The following DACT3 variants were observed in gnomAD, a reference collection of about 807,000 sequenced individuals.
The protein encoded by DACT3 is dishevelled binding antagonist of beta catenin 3.
DACT3 carries 5 observed loss-of-function variants against 19.6 expected under a neutral mutation model. The observed-to-expected ratio is 0.26, with a 90% CI of 0.13 to 0.54. The LOEUF (loss-of-function observed/expected upper bound fraction) is 0.54, where lower values mean the gene tolerates loss of function less well. DACT3 is among the 20% of genes least tolerant of loss of function. DACT3 has a pLI of 0.95. For missense variants in DACT3, 908 were observed against 927.4 expected (o/e 0.98, Z 0.27); for synonymous variants, 454 against 428.1 (o/e 1.06, Z -0.75).
chr19:46,649,783 A>G lies in DACT3; in HGVS notation c.589T>C (p.Ser197Pro). ...FSAPYPTAGG[S>P]AGPEACSSAE... ...GAGGAGCAGGCCTCCGGGCCGGCGGACCCCCCTGCCGTCGGGTAGGGCGCT... is the reference window on the plus strand; with the variant it reads ...GAGGAGCAGGCCTCCGGGCCGGCGGGCCCCCCTGCCGTCGGGTAGGGCGCT... The change falls in exon 4 of 4, where the codon TCC becomes CCC. Residue 197 changes from serine to proline, a missense_variant. Coordinates refer to ENST00000391916, the MANE Select transcript of DACT3 (RefSeq NM_145056.3). 1 of 1,330,570 alleles carries G rather than the reference A, an allele frequency of 7.5e-7. No homozygotes were observed. Among genetic ancestry groups the G allele is most frequent in the Non-Finnish European group, 9.6e-7 (1 of 1,045,828 alleles). The allele number at this position is 1,330,570 out of a possible 1,614,324, so 82.4% of individuals were successfully genotyped here.
chr19:46,648,121 G>A lies in DACT3; in HGVS notation c.*361C>T, dbSNP rs2270683. 0.25 allele frequency: 55,279 copies of A among 222,706 alleles called. 11,565 individuals carry two copies. Among genetic ancestry groups the A allele is most frequent in the African/African-American group, 0.65 (27,850 of 42,580 alleles). 13.8% of individuals were successfully genotyped at this position (222,706 alleles called of 1,614,324 possible). ...ATCAGGAATGAGAGGGAGAGCGGTG[G>A]AGGGGAACAAACAGACTAGGCTTCT... On this transcript the variant is annotated 3_prime_UTR_variant, in exon 4 of 4. Coordinates refer to ENST00000391916, the MANE Select transcript of DACT3 (RefSeq NM_145056.3). This position sits in a 1 kb window ranked among gnomAD's most constrained non-coding sequence, Gnocchi z 5.1.
In DACT3 at chr19:46,649,453, A is replaced by C; in HGVS notation, c.919T>G (p.Leu307Val). The change falls in exon 4 of 4, where the codon TTG (leucine) becomes GTG (valine). Residue 307 changes from leucine (L) to valine (V), a missense_variant. This residue lies in a region of DACT3 where 656 missense variants were observed against 601.8 expected (regional missense o/e 1.09). Coordinates refer to ENST00000391916, the MANE Select transcript of DACT3 (RefSeq NM_145056.3). Reference protein sequence around the residue: ...GSARPAREPSLERVGGHPTSP... With the variant: ...GSARPAREPSVERVGGHPTSP... ...GTGGGGTGGCCCCCGACGCGCTCCA[A>C]CGAGGGCTCCCGCGCGGGTCGCGCG... 1 of 1,209,128 alleles carries C rather than the reference A, an allele frequency of 8.3e-7. No individual in the cohort carries two copies. 74.9% of individuals were successfully genotyped at this position (1,209,128 alleles called of 1,614,324 possible).
In DACT3 at chr19:46,652,722, T is replaced by C; in HGVS notation, c.437A>G (p.Tyr146Cys). The change falls in exon 3 of 4, where the codon TAT (tyrosine) becomes TGT (cysteine). Residue 146 changes from tyrosine (Y) to cysteine (C), a missense_variant. Tyr to Cys is a radical substitution (Grantham distance 194). Around this residue, in one of 2 missense-constraint regions of DACT3, gnomAD observed 252 missense variants for 325.6 expected, o/e 0.77. Coordinates refer to ENST00000391916, the MANE Select transcript of DACT3 (RefSeq NM_145056.3). ...GGGCTCAGAGGGACCCAGGCGACCA[T>C]AGGAGCTGGATCCAGAGAAGCCACT... ...GDSGFSGSSS[Y>C]GRLGPSEPRG... is the part of the protein sequence containing the mutation. The C allele has an allele frequency of 1.3e-6, 2 of 1,551,560 alleles. No individual in the cohort carries two copies. Among genetic ancestry groups the C allele is most frequent in the Non-Finnish European group, 8.7e-7 (1 of 1,146,968 alleles).
chr19:46,650,127 AT>A (rs58142251), intron 3 of DACT3: 123 of 96,142 alleles, frequency 1.3e-3, no homozygotes, highest in South Asian at 4.6e-3. Context: ...CTTACCCCCT[AT>A]TTTTTTTTTT....
At chr19:46,655,591 C>T (rs967509300) in intron 1 of DACT3, among the ~76,000 whole-genome samples, 2 of 152,018 alleles carry the variant, frequency 1.3e-5, no homozygotes, top group Admixed American at 6.6e-5. Flanking sequence ...CCAGCCTGGG[C>T]GACAGTAAGA....
chr19:46,656,346 G>A (rs1265316663), intron 1 of DACT3, among the ~76,000 whole-genome samples: 1 of 151,304 alleles, frequency 6.6e-6, no homozygotes, highest in Non-Finnish European at 1.5e-5. Context: ...CACTGTGCCT[G>A]GTCTTTTTTA....
chr19:46,659,186 C>G (rs939519567), intron 1 of DACT3: 5 of 985,072 alleles, frequency 5.1e-6, no homozygotes, highest in Non-Finnish European at 6.0e-6. Context: ...CTCCTCCCCC[C>G]GCCTGCCACC....
intron 3 of DACT3, 75 bp from the exon 4 acceptor site, chr19:46,649,947 C>G (rs2052966415): frequency 7.8e-7 from 1 of 1,288,336 alleles, no homozygotes; most frequent in Admixed American, 4.2e-5. Context: ...CATTTCTCAT[C>G]CAGCCCGGAA....
chr19:46,660,529 T>G lies in DACT3; in HGVS notation c.249+287A>C. 2.3e-6 allele frequency: 1 copy of G among 435,722 alleles called. No homozygotes were observed. Among genetic ancestry groups the G allele is most frequent in the East Asian group, 4.3e-5 (1 of 23,470 alleles). The allele number at this position is 435,722 out of a possible 1,614,324, so 27.0% of individuals were successfully genotyped here. A position where few individuals can be genotyped will look rare whatever the true frequency, so the allele number is the denominator to read the frequency against. ...AGTACCCGGTCTCGGGTTTGACACA[T>G]ACTTGGCGCCCACAAGGATTTTCTT... On this transcript the variant is annotated intron_variant, in intron 1 of 3. Coordinates refer to ENST00000391916, the MANE Select transcript of DACT3 (RefSeq NM_145056.3). The surrounding 1 kb of genome is among the most constrained non-coding windows in gnomAD (Gnocchi z 4.9).
Position 46,660,133 on chromosome 19 carries a change from C to A in DACT3, c.249+683G>T, listed in dbSNP as rs1391472527. Among the ~76,000 whole-genome samples, 1 of 152,150 alleles carries A rather than the reference C, an allele frequency of 6.6e-6. No individual in the cohort carries two copies. The highest frequency in any genetic ancestry group is 1.5e-5 in the Non-Finnish European group (1 of 68,018). ...CCAGAGTCCAGAAGTCTCCCCCAGG[C>A]GCTGCCTCGACCTGCCTCCCCTTGG... On this transcript the variant is annotated intron_variant, in intron 1 of 3. Transcript: ENST00000391916. The surrounding 1 kb of genome is among the most constrained non-coding windows in gnomAD (Gnocchi z 4.9).
chr19:46,649,358 C>A lies in DACT3; in HGVS notation c.1014G>T (p.Ala338=). The A allele has an allele frequency of 8.0e-7, 1 of 1,255,758 alleles. No homozygotes were observed. Among genetic ancestry groups the A allele is most frequent in the South Asian group, 2.2e-5 (1 of 46,186 alleles). 77.8% of individuals were successfully genotyped at this position (1,255,758 alleles called of 1,614,324 possible). A position where few individuals can be genotyped will look rare whatever the true frequency, so the allele number is the denominator to read the frequency against. ...WESEAAPEPA[A]PPAAPSPPDS... is the part of the protein sequence containing the mutation. Reference sequence around the variant, plus strand: ...CGGGGGGTGAGGGGGCGGCGGGCGGCGCAGCGGGCTCGGGTGCCGCCTCCG... The same window carrying A: ...CGGGGGGTGAGGGGGCGGCGGGCGGAGCAGCGGGCTCGGGTGCCGCCTCCG... Residue 338 remains alanine, a synonymous_variant, in exon 4 of 4, where the codon GCG becomes GCT. Coordinates refer to ENST00000391916, the MANE Select transcript of DACT3 (RefSeq NM_145056.3).
chr19:46,657,261 C>G (rs1197566986), intron 1 of DACT3, among the ~76,000 whole-genome samples: 2 of 151,910 alleles, frequency 1.3e-5, no homozygotes, highest in African/African-American at 4.8e-5. Flanking sequence ...GTGACTTTAC[C>G]TCTCTGGGCT....
intron 3 of DACT3, chr19:46,650,530 G>C (rs1353078149): frequency 2.0e-5 from 3 of 151,276 alleles, no homozygotes; most frequent in Admixed American, 6.6e-5. Context: ...GGATCCTCTC[G>C]CCTTATCTTC....
At chr19:46,654,518 C>T in intron 1 of DACT3, 1 of 970,062 alleles carries the variant, frequency 1.0e-6, no homozygotes, top group Non-Finnish European at 1.2e-6. Flanking sequence ...AAAGAAATTT[C>T]CATGAGTCTA....
intron 1 of DACT3, among the ~76,000 whole-genome samples, chr19:46,657,913 G>A (rs1345657296): frequency 6.6e-6 from 1 of 151,930 alleles, no homozygotes; most frequent in Non-Finnish European, 1.5e-5. Flanking sequence ...TTAGCCAGGG[G>A]TGATGGTGCA....
At position 46,661,124 on chromosome 19, in the gene DACT3, C is replaced by T; in HGVS notation, c.-60G>A. ...CGCGGCCACCCCTCTCCCGGTCCCA[C>T]CTCCCCGCCCCAGCAGCCTGCCCGC... On this transcript the variant is annotated 5_prime_UTR_variant, in exon 1 of 4. In the 5' UTR this introduces an upstream ATG that the reference lacks. Coordinates refer to ENST00000391916, the MANE Select transcript of DACT3 (RefSeq NM_145056.3). The T allele has an allele frequency of 1.5e-6, 2 of 1,339,974 alleles. No homozygotes were observed. Among genetic ancestry groups the T allele is most frequent in the South Asian group, 1.8e-5 (1 of 55,660 alleles). 83.0% of individuals were successfully genotyped at this position (1,339,974 alleles called of 1,614,324 possible). A position where few individuals can be genotyped will look rare whatever the true frequency, so the allele number is the denominator to read the frequency against.
chr19:46,658,884 A>G (rs2053052055), intron 1 of DACT3, among the ~76,000 whole-genome samples: 1 of 152,104 alleles, frequency 6.6e-6, no homozygotes, highest in Non-Finnish European at 1.5e-5. Flanking sequence ...TTCCTTCTTG[A>G]GAGCAAGCAG....
In DACT3 at chr19:46,649,337, G is replaced by A; in HGVS notation, c.1035C>T (p.Pro345=). 1 of 1,244,870 alleles carries A rather than the reference G, an allele frequency of 8.0e-7. No individual in the cohort carries two copies. The highest frequency in any genetic ancestry group is 1.6e-5 in the African/African-American group (1 of 62,514). 77.1% of individuals were successfully genotyped at this position (1,244,870 alleles called of 1,614,324 possible). A position where few individuals can be genotyped will look rare whatever the true frequency, so the allele number is the denominator to read the frequency against. Residue 345 remains proline (P), a synonymous_variant, in exon 4 of 4, where the codon CCC becomes CCT. Transcript: ENST00000391916. ...EPAAPPAAPS[P]PDSPAEGRLV... ...AGCGGCCCTCAGCCGGGCTGTCGGG[G>A]GGTGAGGGGGCGGCGGGCGGCGCAG... is the stretch of plus-strand genomic sequence containing the variant.
At chr19:46,650,685 T>A (rs2052975394) in intron 3 of DACT3, 1 of 152,476 alleles carries the variant, frequency 6.6e-6, no homozygotes, top group South Asian at 2.1e-4. Flanking sequence ...CCTAAAGTGC[T>A]GGGATTACAG....
Sources: allele counts gnomAD v4.1 joint callset (sites outside exome capture counted in the v4.1 genomes callset), GRCh38; gene constraint gnomAD v4.1.1; regional missense constraint gnomAD v4.1.1; non-coding constraint Gnocchi (gnomAD v3.1); transcripts MANE v1.5; gene names NCBI Gene and HGNC (gene_info 2026-07-23, HGNC 2026-07-21).